The following DISP1 variants were observed in gnomAD, a reference collection of about 807,000 sequenced individuals.
DISP1 encodes the protein protein dispatched homolog 1.
DISP1 carries 30 observed loss-of-function variants against 37.3 expected under a neutral mutation model. That is an observed-to-expected ratio of 0.80 (90% CI 0.60 to 1.09). The LOEUF (loss-of-function observed/expected upper bound fraction) is 1.09. Among genes scored for constraint, DISP1 ranks in the 50% least tolerant of loss-of-function variants. The pLI, the probability that DISP1 is intolerant of heterozygous loss-of-function variation, is 0.00. For synonymous variants in DISP1, 634 were observed against 690.2 expected, an observed-to-expected ratio of 0.92 and a Z score of 1.28; for missense variants, 1,598 against 1,879.5, an observed-to-expected ratio of 0.85 and a Z score of 2.77.
At chr1:222,835,797 C>T (rs1341258797) in intron 1 of DISP1, among the ~76,000 whole-genome samples, 1 of 151,574 alleles carries the variant, frequency 6.6e-6, no homozygotes, top group African/African-American at 2.4e-5. Context: ...ACTAAAAATA[C>T]AAAAATTAGC....
At chr1:222,845,054 A>G (rs1212347395) in intron 1 of DISP1, among the ~76,000 whole-genome samples, 1 of 152,210 alleles carries the variant, frequency 6.6e-6, no homozygotes, top group Non-Finnish European at 1.5e-5. Flanking sequence ...TAGTTTATTA[A>G]GGTAAAATGA....
intron 1 of DISP1, among the ~76,000 whole-genome samples, chr1:222,890,145 C>T (rs1413090459): frequency 6.6e-6 from 1 of 152,104 alleles, no homozygotes; most frequent in African/African-American, 2.4e-5. Flanking sequence ...ATATGACCAG[C>T]TTTCTATATG....
At chr1:222,832,286 C>T (rs954738296) in intron 1 of DISP1, among the ~76,000 whole-genome samples, 1 of 152,072 alleles carries the variant, frequency 6.6e-6, no homozygotes, top group Non-Finnish European at 1.5e-5. Flanking sequence ...TGATTTACTA[C>T]TTGTTGGCTT....
At chr1:222,827,604 A>G (rs1231594002) in intron 1 of DISP1, 2 of 152,170 alleles carry the variant, frequency 1.3e-5, no homozygotes, top group African/African-American at 4.8e-5. Flanking sequence ...ATTAACAGGT[A>G]AGTTATACAT....
chr1:222,816,588 CATTTT>C (rs1394603805), intron 1 of DISP1, among the ~76,000 whole-genome samples: 1 of 152,150 alleles, frequency 6.6e-6, no homozygotes, highest in Non-Finnish European at 1.5e-5. Context: ...AAAACTAGAA[CATTTT>C]ATATTTATTG....
At chr1:222,855,040 A>G (rs112314799) in intron 1 of DISP1, among the ~76,000 whole-genome samples, 2,361 of 152,284 alleles carry the variant, frequency 0.016, 63 homozygotes, top group African/African-American at 0.054. Context: ...TCTTATCCCC[A>G]CATCCTTTAA....
chr1:222,921,350 A>G (rs1393239540), intron 1 of DISP1, among the ~76,000 whole-genome samples: 1 of 152,162 alleles, frequency 6.6e-6, no homozygotes, highest in African/African-American at 2.4e-5. Flanking sequence ...ATTAAGCTAC[A>G]GACTTATACT....
chr1:222,822,780 A>G (rs944572837), intron 1 of DISP1, among the ~76,000 whole-genome samples: 3 of 152,222 alleles, frequency 2.0e-5, no homozygotes, highest in African/African-American at 7.2e-5. Flanking sequence ...TGTGATCATT[A>G]TATTTGTTCC....
chr1:222,906,434 C>G (rs1453513345), intron 1 of DISP1, among the ~76,000 whole-genome samples: 1 of 152,192 alleles, frequency 6.6e-6, no homozygotes, highest in Non-Finnish European at 1.5e-5. Context: ...ACGCTGCCAT[C>G]TGCTGGGCTG....
intron 1 of DISP1, among the ~76,000 whole-genome samples, chr1:222,905,335 G>A (rs1374298154): frequency 6.6e-6 from 1 of 152,112 alleles, no homozygotes; most frequent in Non-Finnish European, 1.5e-5. Context: ...CAGCTGTGTG[G>A]TAATGTTAGT....
At chr1:222,903,806 C>T (rs551708418) in intron 1 of DISP1, among the ~76,000 whole-genome samples, 1 of 152,290 alleles carries the variant, frequency 6.6e-6, no homozygotes, top group South Asian at 2.1e-4. Context: ...GTATCAGATA[C>T]CTAAGCCATT....
intron 3 of DISP1, among the ~76,000 whole-genome samples, chr1:222,945,546 G>A (rs138237756): frequency 5.0e-4 from 76 of 152,294 alleles, no homozygotes; most frequent in African/African-American, 1.8e-3. Flanking sequence ...ATGGAAGGTT[G>A]TGCCAAGATT....
At chr1:222,957,599 TA>T (rs2102573740) in intron 3 of DISP1, among the ~76,000 whole-genome samples, 1 of 151,910 alleles carries the variant, frequency 6.6e-6, no homozygotes, top group African/African-American at 2.4e-5. Flanking sequence ...AATAAAAAAA[TA>T]AAAAATAAAA....
intron 8 of DISP1, among the ~76,000 whole-genome samples, chr1:222,997,800 A>G (rs2102773404): frequency 6.6e-6 from 1 of 152,296 alleles, no homozygotes; most frequent in Non-Finnish European, 1.5e-5. Flanking sequence ...ATGCTTTGGC[A>G]GTTAATTAGG....
chr1:222,950,996 T>C (rs1675179180), intron 3 of DISP1, among the ~76,000 whole-genome samples: 1 of 152,206 alleles, frequency 6.6e-6, no homozygotes, highest in Admixed American at 6.5e-5. Context: ...ACAGACTCAT[T>C]ATCATGATAG....
At chr1:222,846,622 G>A (rs1667920781) in intron 1 of DISP1, among the ~76,000 whole-genome samples, 1 of 152,238 alleles carries the variant, frequency 6.6e-6, no homozygotes, top group African/African-American at 2.4e-5. Context: ...GAATTGGATG[G>A]GGAGTGAGCA....
intron 8 of DISP1, among the ~76,000 whole-genome samples, chr1:222,995,954 C>T (rs1051978964): frequency 6.6e-6 from 1 of 152,138 alleles, no homozygotes; most frequent in Non-Finnish European, 1.5e-5. Flanking sequence ...AACATGAGTA[C>T]CTTCTAAGAA....
chr1:222,936,838 T>TATCAC (rs1558340116), intron 2 of DISP1, among the ~76,000 whole-genome samples: 26 of 64,652 alleles, frequency 4.0e-4, no homozygotes, highest in African/African-American at 1.6e-3. Context: ...ATAAATTATA[T>TATCAC]ATATCATATA....
At chr1:222,846,070 G>T (rs1228937580) in intron 1 of DISP1, among the ~76,000 whole-genome samples, 1 of 152,064 alleles carries the variant, frequency 6.6e-6, no homozygotes, top group Admixed American at 6.6e-5. Context: ...TATAGTTTTT[G>T]GCTTTTTCAT....
Sources: allele counts gnomAD v4.1 joint callset (sites outside exome capture counted in the v4.1 genomes callset), GRCh38; gene constraint gnomAD v4.1.1; transcripts MANE v1.5; gene names NCBI Gene and HGNC (gene_info 2026-07-23, HGNC 2026-07-21).